The following OPRM1 variants were observed in gnomAD, a reference collection of about 807,000 sequenced individuals.
OPRM1 encodes opioid receptor mu 1, also known as mu-type opioid receptor.
A neutral mutation model predicts 31.8 loss-of-function variants in OPRM1; 27 were observed. The ratio of observed to expected loss-of-function variants is 0.85; its 90% confidence interval spans 0.63 to 1.17. OPRM1 has a LOEUF of 1.17. OPRM1 is among the 50% of genes most tolerant of loss of function. The pLI, the probability that OPRM1 is intolerant of heterozygous loss-of-function variation, is 0.00. For missense variants in OPRM1, 536 were observed against 511.1 expected (o/e 1.05, Z -0.47); for synonymous variants, 196 against 189.9 (o/e 1.03, Z -0.26).
At chr6:154,079,235 G>A (rs921334141) in intron 1 of OPRM1, among the ~76,000 whole-genome samples, 1 of 152,230 alleles carries the variant, frequency 6.6e-6, no homozygotes, top group Admixed American at 6.5e-5. Context: ...GGGTCCCCTG[G>A]AGTAGCTAGA....
Position 154,100,209 on chromosome 6 carries a change from ATATTATGACATATCG to A in OPRM1, c.1164+8740_1164+8754del, listed in dbSNP as rs1210998046. ...ATGACATATCATAATATATATTATC[ATATTATGACATATCG>A]TAATATATATTATCATATTATGACA... On this transcript the variant is annotated intron_variant, in intron 3 of 3. Transcript: ENST00000330432. Among the ~76,000 whole-genome samples the A allele has an allele frequency of 3.1e-4, 39 of 126,198 alleles. 2 individuals carry two copies. Among genetic ancestry groups the A allele is most frequent in the African/African-American group, 5.9e-4 (20 of 33,718 alleles). The allele number at this position is 126,198 out of a possible 152,430, so 82.8% of individuals were successfully genotyped here. A position where few individuals can be genotyped will look rare whatever the true frequency, so the allele number is the denominator to read the frequency against.
chr6:154,028,840 G>A (rs1161698345), intron 1 of OPRM1, among the ~76,000 whole-genome samples: 1 of 152,176 alleles, frequency 6.6e-6, no homozygotes, highest in Non-Finnish European at 1.5e-5. Flanking sequence ...GAATGGAGGA[G>A]GAATGGTGTT....
At chr6:154,074,815 A>G (rs1377915193) in intron 1 of OPRM1, among the ~76,000 whole-genome samples, 3 of 152,084 alleles carry the variant, frequency 2.0e-5, no homozygotes, top group African/African-American at 4.8e-5. Context: ...AGAAAAGAAA[A>G]TGGGATGGAA....
At chr6:154,011,063 G>A (rs1777698031) in intron 1 of OPRM1, 1 of 1,286,638 alleles carries the variant, frequency 7.8e-7, no homozygotes, top group African/African-American at 1.5e-5. Context: ...CCTTTTCATT[G>A]CATTTGCTGG....
At position 154,127,106 on chromosome 6, in the gene OPRM1, CAAAA is replaced by C. The variant is rs3070836; in HGVS notation, c.*8396_*8399del. On this transcript the variant is annotated 3_prime_UTR_variant, in exon 4 of 4. Coordinates refer to ENST00000330432, the MANE Select transcript of OPRM1 (RefSeq NM_000914.5). ...CCTGGGCAACAGAATGAGATTGTCTCAAAAAAAAAAAAAAGTGCCACATGCCATG... is the reference window on the plus strand; with the variant it reads ...CCTGGGCAACAGAATGAGATTGTCTCAAAAAAAAAAGTGCCACATGCCATG... Among the ~76,000 whole-genome samples, 1 of 144,982 alleles carries C rather than the reference CAAAA, an allele frequency of 6.9e-6. No individual in the cohort carries two copies. The highest frequency in any genetic ancestry group is 1.5e-5 in the Non-Finnish European group (1 of 66,436).
chr6:154,087,409 A>G lies in OPRM1; in HGVS notation c.291-2417A>G, dbSNP rs996151643. ...CTCGTGTGACGGAAAAACAGTAAAC[A>G]CAAGCTAACATTTAAAAGGAATTGA... On this transcript the variant is annotated intron_variant, in intron 1 of 3. Coordinates refer to ENST00000330432, the MANE Select transcript of OPRM1 (RefSeq NM_000914.5). 11 of 985,476 alleles carry G rather than the reference A, an allele frequency of 1.1e-5. No homozygotes were observed. The East Asian group carries it at 7.9e-4, about 71-fold the overall frequency. 61.0% of individuals were successfully genotyped at this position (985,476 alleles called of 1,614,324 possible).
chr6:154,123,666 A>T lies in OPRM1; in HGVS notation c.*4945A>T, dbSNP rs374862106. Among the ~76,000 whole-genome samples, 1 of 152,342 alleles carries T rather than the reference A, an allele frequency of 6.6e-6. No homozygotes were observed. The highest frequency in any genetic ancestry group is 2.1e-4 in the South Asian group (1 of 4,826). Reference sequence around the variant, plus strand: ...GGATTATTCATGGGTTTTCTGGGAAAGGAGTGGGCAATTCCCAGAACTGAG... The same window carrying T: ...GGATTATTCATGGGTTTTCTGGGAATGGAGTGGGCAATTCCCAGAACTGAG... On this transcript the variant is annotated 3_prime_UTR_variant, in exon 4 of 4. Transcript: ENST00000330432.
chr6:154,118,027 A>G (rs1797059265), intron 3 of OPRM1, among the ~76,000 whole-genome samples: 1 of 152,176 alleles, frequency 6.6e-6, no homozygotes. Context: ...CCTTAGCAGT[A>G]TTATAATGAA....
intron 3 of OPRM1, among the ~76,000 whole-genome samples, chr6:154,215,419 C>A (rs1028247388): frequency 6.6e-6 from 1 of 152,014 alleles, no homozygotes; most frequent in African/African-American, 2.4e-5. Context: ...GCCTGACCAA[C>A]AGGGAGAAAC....
intron 1 of OPRM1, chr6:154,087,909 C>A (rs1791018625): frequency 6.6e-6 from 1 of 152,054 alleles, no homozygotes; most frequent in South Asian, 2.1e-4. Context: ...TGCTTATATT[C>A]TACTATCATA....
chr6:154,097,114 T>A (rs1303664402), intron 3 of OPRM1, among the ~76,000 whole-genome samples: 1 of 152,208 alleles, frequency 6.6e-6, no homozygotes, highest in Non-Finnish European at 1.5e-5. Flanking sequence ...CTTAATATTC[T>A]GACATATCTA....
Position 154,030,533 on chromosome 6 carries a change from TA to T in OPRM1, c.1-8619del, listed in dbSNP as rs1340899843. Among the ~76,000 whole-genome samples, 12 of 150,656 alleles carry T rather than the reference TA, an allele frequency of 8.0e-5. No individual in the cohort carries two copies. The East Asian group carries it at 1.4e-3, about 17-fold the overall frequency. On this transcript the variant is annotated intron_variant, in intron 1 of 5. Coordinates refer to the OPRM1 transcript ENST00000434900. ...GGAGAAAACAAGTAAAATTATAAGCTAAAAAAAAACAGAGTAATAGAAAATA... is the reference window on the plus strand; with the variant it reads ...GGAGAAAACAAGTAAAATTATAAGCTAAAAAAAACAGAGTAATAGAAAATA...
chr6:154,132,857 C>T (rs918075328), downstream of OPRM1, among the ~76,000 whole-genome samples: 2 of 152,142 alleles, frequency 1.3e-5, no homozygotes, highest in African/African-American at 2.4e-5. Flanking sequence ...CGTGGTGGCT[C>T]ACGCCTGTAA....
chr6:154,200,048 T>A (rs1190279108), intron 3 of OPRM1: 3 of 1,580,064 alleles, frequency 1.9e-6, no homozygotes, highest in Non-Finnish European at 1.7e-6. Context: ...AGTCTATTTT[T>A]CACAAATAAA....
At chr6:154,215,798 C>T (rs954099704) in intron 3 of OPRM1, among the ~76,000 whole-genome samples, 1 of 151,934 alleles carries the variant, frequency 6.6e-6, no homozygotes, top group Non-Finnish European at 1.5e-5. Flanking sequence ...TATATCAAGT[C>T]TCAATAGGAT....
intron 3 of OPRM1, among the ~76,000 whole-genome samples, chr6:154,232,238 G>T (rs2128627662): frequency 6.6e-6 from 1 of 152,292 alleles, no homozygotes; most frequent in African/African-American, 2.4e-5. Context: ...TTAGCATCGG[G>T]CTGTGACAAG....
intron 1 of OPRM1, among the ~76,000 whole-genome samples, chr6:154,078,982 A>G (rs1788471361): frequency 6.6e-6 from 1 of 152,222 alleles, no homozygotes; most frequent in Non-Finnish European, 1.5e-5. Flanking sequence ...TGTTCCTGCC[A>G]CACAGAGAGG....
chr6:154,071,687 G>A (rs1394915130), intron 1 of OPRM1, among the ~76,000 whole-genome samples: 1 of 152,200 alleles, frequency 6.6e-6, no homozygotes, highest in East Asian at 1.9e-4. Flanking sequence ...CTGTCCTAAA[G>A]CAAGAGAAAT....
At chr6:154,021,722 G>A (rs918316945) in intron 1 of OPRM1, among the ~76,000 whole-genome samples, 13 of 152,068 alleles carry the variant, frequency 8.5e-5, no homozygotes, top group Admixed American at 8.5e-4. Context: ...TTGTAAATGG[G>A]ATTTTGTTTT....
Sources: gnomAD v4.1 joint callset for allele counts (sites outside exome capture counted in the v4.1 genomes callset) on GRCh38, gnomAD v4.1.1 for gene constraint, MANE v1.5 for transcripts, NCBI Gene and HGNC (gene_info 2026-07-23, HGNC 2026-07-21) for gene names.